DMC1: variants seen among roughly 807,000 people sequenced by gnomAD.
The protein encoded by DMC1 is DNA meiotic recombinase 1.
In DMC1, 27 loss-of-function variants were observed where a neutral mutation model predicts 50.1. The ratio of observed to expected loss-of-function variants is 0.54; its 90% CI spans 0.40 to 0.74. The LOEUF is 0.74. Ranked by LOEUF, DMC1 falls within the 30% of genes least tolerant of loss-of-function variation. The pLI, the probability that DMC1 is intolerant of heterozygous loss-of-function variation, is 0.00. For synonymous variants in DMC1, 148 were observed against 136.1 expected, an observed-to-expected ratio of 1.09 and a Z score of -0.61; for missense variants, 295 against 420.2, an observed-to-expected ratio of 0.70 and a Z score of 2.60.
intron 8 of DMC1, among the ~76,000 whole-genome samples, chr22:38,541,961 G>A (rs902218951): frequency 6.0e-5 from 9 of 150,824 alleles, no homozygotes; most frequent in Non-Finnish European, 1.3e-4. Flanking sequence ...AAAAACATAT[G>A]ATCATTTCAA....
chr22:38,560,424 G>C (rs1171811793), intron 5 of DMC1, among the ~76,000 whole-genome samples: 1 of 151,956 alleles, frequency 6.6e-6, no homozygotes, highest in Non-Finnish European at 1.5e-5. Flanking sequence ...CTGAGTGAGA[G>C]GGGGAATCAT....
At chr22:38,518,251 C>T (rs1290630760), downstream of DMC1, among the ~76,000 whole-genome samples, 2 of 152,118 alleles carry the variant, frequency 1.3e-5, no homozygotes, top group African/African-American at 2.4e-5. Flanking sequence ...GGATTACTGG[C>T]GTGAGCTACC....
intron 8 of DMC1, among the ~76,000 whole-genome samples, chr22:38,545,130 C>T (rs1204631226): frequency 6.6e-6 from 1 of 152,024 alleles, no homozygotes; most frequent in Non-Finnish European, 1.5e-5. Context: ...ATAACAAAAC[C>T]AGGCATGGTG....
intron 8 of DMC1, chr22:38,545,749 C>T (rs2090337212): frequency 1.3e-5 from 2 of 152,168 alleles, no homozygotes; most frequent in Middle Eastern, 3.4e-3. Flanking sequence ...AAAACTTGGG[C>T]TTATGCTGAA....
intron 5 of DMC1, among the ~76,000 whole-genome samples, chr22:38,559,545 T>C (rs2090503983): frequency 1.3e-5 from 2 of 152,196 alleles, no homozygotes; most frequent in South Asian, 4.1e-4. Flanking sequence ...ATATATAGTA[T>C]ATGGTACTTC....
chr22:38,556,816 C>T lies in DMC1; in HGVS notation c.327-1407G>A, dbSNP rs1303827410. On this transcript the variant is annotated intron_variant, in intron 5 of 13. Transcript: ENST00000216024. ...ATATATAGATAATCCAATACATTTA[C>T]ATTTACATAGTTTAAGAGAGCAATT... 2.6e-5 allele frequency among the ~76,000 whole-genome samples: 4 copies of T among 152,140 alleles called. 1 individual carries two copies. The East Asian group carries it at 7.7e-4, about 29-fold the overall frequency.
At chr22:38,561,641 G>A (rs1230021620) in intron 5 of DMC1, among the ~76,000 whole-genome samples, 1 of 152,188 alleles carries the variant, frequency 6.6e-6, no homozygotes, top group African/African-American at 2.4e-5. Context: ...AGACGTTCAA[G>A]TGGAGGTATA....
At chr22:38,565,638 T>A (rs2090573561) in intron 4 of DMC1, among the ~76,000 whole-genome samples, 1 of 152,206 alleles carries the variant, frequency 6.6e-6, no homozygotes, top group Admixed American at 6.5e-5. Context: ...CAACAAAAGT[T>A]GCTGTCCAAC....
chr22:38,534,662 T>G (rs191567141), intron 12 of DMC1, among the ~76,000 whole-genome samples: 64 of 145,030 alleles, frequency 4.4e-4, no homozygotes, highest in Admixed American at 9.0e-4. Flanking sequence ...GAGATGGTGC[T>G]GCTGCACTCC....
chr22:38,540,370 AG>A (rs2090267342), intron 8 of DMC1, among the ~76,000 whole-genome samples: 1 of 152,196 alleles, frequency 6.6e-6, no homozygotes, highest in African/African-American at 2.4e-5. Flanking sequence ...TTCTGAAATT[AG>A]CAAATTCATA....
chr22:38,520,415 T>C (rs1170461032), intron 13 of DMC1, among the ~76,000 whole-genome samples: 2 of 152,020 alleles, frequency 1.3e-5, no homozygotes, highest in Non-Finnish European at 2.9e-5. Context: ...CCCCAGGCAA[T>C]GGTGAGATCT....
chr22:38,545,029 A>G (rs1242255011), intron 8 of DMC1, among the ~76,000 whole-genome samples: 1 of 152,176 alleles, frequency 6.6e-6, no homozygotes, highest in Non-Finnish European at 1.5e-5. Flanking sequence ...AAGGTGCTCA[A>G]TGTCACTGAT....
chr22:38,564,881 T>G (rs2090566003), intron 4 of DMC1, among the ~76,000 whole-genome samples: 1 of 152,148 alleles, frequency 6.6e-6, no homozygotes, highest in African/African-American at 2.4e-5. Context: ...CTAGAGCAAC[T>G]GAGCTGGGTT....
chr22:38,541,969 C>G (rs1436119264), intron 8 of DMC1, among the ~76,000 whole-genome samples: 2 of 150,680 alleles, frequency 1.3e-5, no homozygotes, highest in East Asian at 3.9e-4. Context: ...ATGATCATTT[C>G]AATTGATGCT....
At chr22:38,514,669 GTC>G (rs2089963964), downstream of DMC1, among the ~76,000 whole-genome samples, 3 of 152,184 alleles carry the variant, frequency 2.0e-5, no homozygotes, top group African/African-American at 7.2e-5. Flanking sequence ...ACCTCTGGTT[GTC>G]CTCATTGCTC....
At chr22:38,513,922 T>C in the DMC1 span, among the ~76,000 whole-genome samples, 1 of 152,204 alleles carries the variant, frequency 6.6e-6, no homozygotes, top group Non-Finnish European at 1.5e-5. Flanking sequence ...TCTAACTTGA[T>C]GCATCCCACC....
chr22:38,560,882 C>T (rs932856054), intron 5 of DMC1, among the ~76,000 whole-genome samples: 2 of 152,096 alleles, frequency 1.3e-5, no homozygotes, highest in Non-Finnish European at 2.9e-5. Context: ...TAAGCATATA[C>T]TAAGCAACAT....
At chr22:38,541,947 G>A (rs1466344232) in intron 8 of DMC1, among the ~76,000 whole-genome samples, 1 of 150,840 alleles carries the variant, frequency 6.6e-6, no homozygotes, top group African/African-American at 2.4e-5. Context: ...CAACAGAACG[G>A]ACAAAAAACA....
chr22:38,519,218 C>T lies in DMC1; in HGVS notation c.*802G>A, dbSNP rs541882270. On this transcript the variant is annotated 3_prime_UTR_variant, in exon 14 of 14. Coordinates refer to ENST00000216024, the MANE Select transcript of DMC1 (RefSeq NM_007068.4). ...CTGGGATTACAAGCACATGCCACTG[C>T]ACTTGGCTAATTTTTGTATTTTTAG... 2.0e-5 allele frequency: 3 copies of T among 152,226 alleles called. No individual in the cohort carries two copies. The highest frequency in any genetic ancestry group is 7.2e-5 in the African/African-American group (3 of 41,522). The allele number at this position is 152,226 out of a possible 1,614,324, so 9.4% of individuals were successfully genotyped here. A position where few individuals can be genotyped will look rare whatever the true frequency, so the allele number is the denominator to read the frequency against.
Sources: allele counts gnomAD v4.1 joint callset (sites outside exome capture counted in the v4.1 genomes callset), GRCh38; gene constraint gnomAD v4.1.1; transcripts MANE v1.5; gene names NCBI Gene and HGNC (gene_info 2026-07-23, HGNC 2026-07-21).